The following NME7 variants were observed in gnomAD, a reference collection of about 807,000 sequenced individuals.
The protein encoded by NME7 is NME/NM23 family member 7.
Under a neutral mutation model 49.1 loss-of-function variants are expected in NME7, and 41 were observed. The ratio of observed to expected loss-of-function variants is 0.83; its 90% confidence interval spans 0.65 to 1.08. The LOEUF is 1.08. NME7 is among the 50% of genes least tolerant of loss of function. The pLI, the probability that NME7 is intolerant of heterozygous loss-of-function variation, is 0.00. For missense variants in NME7, 423 were observed against 463.4 expected (o/e 0.91, Z 0.80); for synonymous variants, 139 against 150.6 (o/e 0.92, Z 0.56).
rs1389658159 is a variant in NME7 at position 169,264,977 on chromosome 1, A to C, written c.754+22326T>G. ...AAGGGGAAGCAAACATGTCCTTCACATGGCGGCAACAAAGAGAAGTGCAGA... is the reference window on the plus strand; with the variant it reads ...AAGGGGAAGCAAACATGTCCTTCACCTGGCGGCAACAAAGAGAAGTGCAGA... On this transcript the variant is annotated intron_variant, in intron 7 of 11. Coordinates refer to ENST00000367811, the MANE Select transcript of NME7 (RefSeq NM_013330.5). Among the ~76,000 whole-genome samples, 2 of 133,346 alleles carry C rather than the reference A, an allele frequency of 1.5e-5. 1 individual carries two copies. Among genetic ancestry groups the C allele is most frequent in the Non-Finnish European group, 3.5e-5 (2 of 56,800 alleles). The allele number at this position is 133,346 out of a possible 152,430, so 87.5% of individuals were successfully genotyped here. A position where few individuals can be genotyped will look rare whatever the true frequency, so the allele number is the denominator to read the frequency against.
At chr1:169,283,479 C>G (rs1045514886) in intron 7 of NME7, among the ~76,000 whole-genome samples, 1 of 152,078 alleles carries the variant, frequency 6.6e-6, no homozygotes, top group African/African-American at 2.4e-5. Context: ...TGAATTTGAT[C>G]CTGTCATTAT....
At chr1:169,364,172 T>C (rs376174395) in intron 1 of NME7, among the ~76,000 whole-genome samples, 1 of 152,218 alleles carries the variant, frequency 6.6e-6, no homozygotes, top group East Asian at 1.9e-4. Context: ...GTGCCTAATA[T>C]GATCTAGGCA....
chr1:169,354,650 A>C (rs188466207), intron 1 of NME7, among the ~76,000 whole-genome samples: 2,175 of 147,652 alleles, frequency 0.015, 59 homozygotes, highest in African/African-American at 0.05. Flanking sequence ...TATATATTAA[A>C]GTATTAAATA....
chr1:169,336,031 C>T (rs4534447), intron 1 of NME7, among the ~76,000 whole-genome samples: 53,240 of 151,640 alleles, frequency 0.35, 10,465 homozygotes, highest in Non-Finnish European at 0.44. Context: ...GTGGCGCATC[C>T]GGAGTCTGTC....
chr1:169,182,174 T>TAAAAAAAAAAAA (rs59280361), intron 10 of NME7, among the ~76,000 whole-genome samples: 1 of 134,098 alleles, frequency 7.5e-6, no homozygotes, highest in Non-Finnish European at 1.6e-5. Context: ...CTAGCTAATT[T>TAAAAAAAAAAAA]AAAAAAAAAA....
intron 11 of NME7, among the ~76,000 whole-genome samples, chr1:169,134,267 T>C (rs949625218): frequency 2.0e-5 from 3 of 152,234 alleles, no homozygotes; most frequent in African/African-American, 7.2e-5. Flanking sequence ...TGTTAACCAT[T>C]TGCATATTTC....
At chr1:169,357,785 C>T (rs1368468070) in intron 1 of NME7, among the ~76,000 whole-genome samples, 1 of 152,008 alleles carries the variant, frequency 6.6e-6, no homozygotes, top group Non-Finnish European at 1.5e-5. Flanking sequence ...TGGGTCTGAA[C>T]GGTCTCATTG....
chr1:169,194,975 G>C (rs1660334715), intron 10 of NME7, among the ~76,000 whole-genome samples: 1 of 152,142 alleles, frequency 6.6e-6, no homozygotes, highest in African/African-American at 2.4e-5. Context: ...ATATATATTA[G>C]TACTATTATC....
chr1:169,145,482 G>A (rs911785324), intron 11 of NME7, among the ~76,000 whole-genome samples: 2 of 152,150 alleles, frequency 1.3e-5, no homozygotes, highest in African/African-American at 4.8e-5. Context: ...AAGCACAGTG[G>A]GAGGCGGGGT....
At chr1:169,219,277 T>TA (rs1299175380) in intron 10 of NME7, among the ~76,000 whole-genome samples, 3 of 151,996 alleles carry the variant, frequency 2.0e-5, no homozygotes, top group Admixed American at 1.3e-4. Context: ...TTTGGAAAAA[T>TA]AAAAAAATTG....
intron 1 of NME7, among the ~76,000 whole-genome samples, chr1:169,356,231 T>C (rs1653464550): frequency 6.6e-6 from 1 of 152,184 alleles, no homozygotes; most frequent in Admixed American, 6.6e-5. Context: ...TTAAGAATCT[T>C]AAATGCCTTT....
intron 1 of NME7, among the ~76,000 whole-genome samples, chr1:169,336,681 A>G (rs1652489503): frequency 6.6e-6 from 1 of 150,532 alleles, no homozygotes; most frequent in South Asian, 2.1e-4. Context: ...TCCCTTAGCT[A>G]GACATAAAGG....
intron 7 of NME7, chr1:169,286,795 G>A (rs1650289303): frequency 6.5e-6 from 1 of 152,870 alleles, no homozygotes; most frequent in Non-Finnish European, 1.5e-5. Flanking sequence ...AGACCAGCCT[G>A]ACCAATATGG....
At chr1:169,308,690 G>A (rs1199477765) in intron 4 of NME7, among the ~76,000 whole-genome samples, 3 of 152,016 alleles carry the variant, frequency 2.0e-5, no homozygotes, top group African/African-American at 7.2e-5. Flanking sequence ...CTGAAGAGAA[G>A]GTTTTCCCTA....
chr1:169,342,235 C>T (rs1385066505), intron 1 of NME7, among the ~76,000 whole-genome samples: 2 of 151,816 alleles, frequency 1.3e-5, no homozygotes, highest in Admixed American at 6.6e-5. Context: ...TGAGGGAGTC[C>T]TCATGAGATC....
In NME7 at chr1:169,189,366, C is replaced by T. The variant is rs1004240869; in HGVS notation, c.991-19812G>A. On this transcript the variant is annotated intron_variant, in intron 10 of 11. Coordinates refer to ENST00000367811, the MANE Select transcript of NME7 (RefSeq NM_013330.5). The stretch of plus-strand genomic sequence containing the variant: ...ATTATTTTCGCACAATTTCAATTTG[C>T]TATTTAAACTTATAAAATACTTGTA... Among the ~76,000 whole-genome samples, 23 of 152,078 alleles carry T rather than the reference C, an allele frequency of 1.5e-4. 1 individual carries two copies. The highest frequency in any genetic ancestry group is 5.1e-4 in the African/African-American group (21 of 41,428).
intron 11 of NME7, among the ~76,000 whole-genome samples, chr1:169,144,659 T>C (rs1227250525): frequency 2.6e-5 from 4 of 152,150 alleles, no homozygotes; most frequent in Non-Finnish European, 5.9e-5. Flanking sequence ...TATTTAGCCG[T>C]AGTGCCTAGA....
intron 11 of NME7, among the ~76,000 whole-genome samples, chr1:169,158,150 T>A (rs1659134390): frequency 1.3e-5 from 2 of 152,200 alleles, no homozygotes; most frequent in Admixed American, 1.3e-4. Flanking sequence ...AATACAGTAG[T>A]GCCCCCTTAT....
At chr1:169,193,295 A>T (rs552289084) in intron 10 of NME7, among the ~76,000 whole-genome samples, 196 of 152,288 alleles carry the variant, frequency 1.3e-3, no homozygotes, top group Middle Eastern at 3.4e-3. Flanking sequence ...AAGGGCCCCC[A>T]AAGTCTCTCT....
Sources: gnomAD v4.1 joint callset for allele counts (sites outside exome capture counted in the v4.1 genomes callset) on GRCh38, gnomAD v4.1.1 for gene constraint, MANE v1.5 for transcripts, NCBI Gene and HGNC (gene_info 2026-07-23, HGNC 2026-07-21) for gene names.